The following LRRK1 variants were observed in gnomAD, a reference collection of about 807,000 sequenced individuals.
LRRK1 encodes leucine rich repeat kinase 1.
LRRK1 carries 113 observed loss-of-function variants against 209.1 expected under a neutral mutation model. The observed-to-expected ratio is 0.54, with a 90% CI of 0.46 to 0.63. The LOEUF (loss-of-function observed/expected upper bound fraction) is 0.63. LRRK1 is among the 30% of genes least tolerant of loss of function. The pLI is 0.00. For missense variants in LRRK1, 2,284 were observed against 2,632.2 expected (o/e 0.87, Z 2.89); for synonymous variants, 1,144 against 1,099.7 (o/e 1.04, Z -0.80).
At chr15:100,962,493 G>T (rs2030058582) in intron 2 of LRRK1, among the ~76,000 whole-genome samples, 1 of 151,966 alleles carries the variant, frequency 6.6e-6, no homozygotes, top group Non-Finnish European at 1.5e-5. Flanking sequence ...TCACAGCACT[G>T]CACTCCAGCC....
At chr15:101,051,091 T>C (rs964902986) in intron 23 of LRRK1, among the ~76,000 whole-genome samples, 1 of 152,130 alleles carries the variant, frequency 6.6e-6, no homozygotes, top group African/African-American at 2.4e-5. Context: ...GACCTGCAGA[T>C]ATCAGATGTG....
chr15:100,974,832 T>G (rs894634783), intron 3 of LRRK1, among the ~76,000 whole-genome samples: 2 of 152,246 alleles, frequency 1.3e-5, no homozygotes, highest in African/African-American at 4.8e-5. Flanking sequence ...CAGCAAAAGT[T>G]GGAGTGGACC....
At chr15:101,051,155 C>T (rs1246347423) in intron 23 of LRRK1, among the ~76,000 whole-genome samples, 1 of 152,226 alleles carries the variant, frequency 6.6e-6, no homozygotes, top group South Asian at 2.1e-4. Flanking sequence ...GGCAGTTGGC[C>T]GGCCCTGAGG....
chr15:100,981,977 G>A (rs1032317509), intron 3 of LRRK1, among the ~76,000 whole-genome samples: 4 of 152,226 alleles, frequency 2.6e-5, no homozygotes. Context: ...ATCTGTGGAG[G>A]CCAGAAATGG....
In LRRK1 at chr15:101,072,180, C is replaced by T. The variant is rs1415062987; in HGVS notation, c.*3332C>T. On this transcript the variant is annotated 3_prime_UTR_variant, in exon 34 of 34. Coordinates refer to ENST00000388948, the MANE Select transcript of LRRK1 (RefSeq NM_024652.6). ...CCCTTGGAGGGCATTCTGGACTTATCTACCAAAATTTCAAATGCACATACC... is the reference window on the plus strand; with the variant it reads ...CCCTTGGAGGGCATTCTGGACTTATTTACCAAAATTTCAAATGCACATACC... 1 of 152,248 alleles carries T rather than the reference C, an allele frequency of 6.6e-6. No individual in the cohort carries two copies. The highest frequency in any genetic ancestry group is 2.4e-5 in the African/African-American group (1 of 41,466). 9.4% of individuals were successfully genotyped at this position (152,248 alleles called of 1,614,324 possible).
At chr15:101,038,868 TC>T (rs2034611341) in intron 20 of LRRK1, among the ~76,000 whole-genome samples, 1 of 152,102 alleles carries the variant, frequency 6.6e-6, no homozygotes, top group Admixed American at 6.5e-5. Flanking sequence ...ATCTCTCTCT[TC>T]CCCCATCTTT....
intron 2 of LRRK1, among the ~76,000 whole-genome samples, chr15:100,970,772 A>G (rs1347684418): frequency 6.6e-6 from 1 of 152,240 alleles, no homozygotes; most frequent in Non-Finnish European, 1.5e-5. Context: ...AAAATCAAAG[A>G]GAATTAACAT....
intron 23 of LRRK1, among the ~76,000 whole-genome samples, chr15:101,051,063 C>T (rs764225464): frequency 7.2e-5 from 11 of 152,194 alleles, no homozygotes; most frequent in Non-Finnish European, 1.2e-4. Context: ...CCCCTCCCAA[C>T]GGGATGCCTT....
At chr15:101,032,197 G>A (rs2034313429) in intron 20 of LRRK1, among the ~76,000 whole-genome samples, 1 of 152,148 alleles carries the variant, frequency 6.6e-6, no homozygotes, top group African/African-American at 2.4e-5. Context: ...TCTGTGAAGT[G>A]TCTATTCAAG....
At chr15:100,956,609 C>T (rs923124782) in intron 2 of LRRK1, among the ~76,000 whole-genome samples, 53 of 151,602 alleles carry the variant, frequency 3.5e-4, no homozygotes, top group Admixed American at 6.6e-4. Flanking sequence ...GGATTACAGG[C>T]GCCCACAACC....
intron 2 of LRRK1, among the ~76,000 whole-genome samples, chr15:100,965,593 T>G (rs2030399378): frequency 6.6e-6 from 1 of 152,188 alleles, no homozygotes. Context: ...ATGTGCTGAC[T>G]CCATAACCCT....
At chr15:101,051,628 G>A (rs11639058) in intron 23 of LRRK1, 83 bp from the exon 24 acceptor site, 10 of 1,529,338 alleles carry the variant, frequency 6.5e-6, no homozygotes, top group Non-Finnish European at 8.8e-6. Flanking sequence ...GAAGGCCTCA[G>A]GGCCTGGGGT....
At chr15:100,922,902 C>A (rs910974578) in intron 1 of LRRK1, among the ~76,000 whole-genome samples, 1 of 152,194 alleles carries the variant, frequency 6.6e-6, no homozygotes, top group African/African-American at 2.4e-5. Flanking sequence ...CCTTTCCCTG[C>A]CTTGACGAGT....
Position 101,024,191 on chromosome 15 carries a change from G to A in LRRK1, c.2068-612G>A, listed in dbSNP as rs771060111. Among the ~76,000 whole-genome samples, 10 of 152,224 alleles carry A rather than the reference G, an allele frequency of 6.6e-5. No individual in the cohort carries two copies. Among genetic ancestry groups the A allele is most frequent in the Non-Finnish European group, 1.5e-4 (10 of 68,040 alleles). On this transcript the variant is annotated intron_variant, in intron 15 of 33. Coordinates refer to ENST00000388948, the MANE Select transcript of LRRK1 (RefSeq NM_024652.6). The surrounding 1 kb of genome is among the most constrained non-coding windows in gnomAD (Gnocchi z 4.6). ...ATACAAAACCAGGTCAGCACACTGT[G>A]TCTTGGAGGCTGATGCTGCCTCACA...
chr15:100,978,012 G>A (rs1032213902), intron 3 of LRRK1, among the ~76,000 whole-genome samples: 11 of 151,862 alleles, frequency 7.2e-5, no homozygotes, highest in Non-Finnish European at 1.2e-4. Context: ...AGAAAGTTTC[G>A]GCAAAGAAAT....
chr15:101,015,484 C>G (rs2033491945), intron 12 of LRRK1, 82 bp downstream of exon 12: 1 of 1,074,368 alleles, frequency 9.3e-7, no homozygotes, highest in Admixed American at 2.1e-5. Flanking sequence ...TGGGGATCGC[C>G]CTTATCTTGG....
At chr15:101,053,166 G>T (rs2035574717) in intron 25 of LRRK1, 57 bp from the exon 26 acceptor site, 8 of 1,591,436 alleles carry the variant, frequency 5.0e-6, no homozygotes, top group Non-Finnish European at 6.8e-6. Context: ...CCTTAGAGAG[G>T]CCTGAGGCTG....
chr15:100,974,042 T>C, intron 3 of LRRK1, 75 bp downstream of exon 3: 2 of 1,174,732 alleles, frequency 1.7e-6, no homozygotes, highest in Non-Finnish European at 2.1e-6. Context: ...GATGATTTTC[T>C]CGTTATTGTC....
chr15:101,075,907 G>A lies in LRRK1; in HGVS notation c.*7059G>A, dbSNP rs2036969025. ...ATTACCTGGGCTGTACTGCCCCAAAGCTTCACAGACAGCCCCCATTACATC... is the reference window on the plus strand; with the variant it reads ...ATTACCTGGGCTGTACTGCCCCAAAACTTCACAGACAGCCCCCATTACATC... On this transcript the variant is annotated 3_prime_UTR_variant, in exon 34 of 34. Coordinates refer to ENST00000388948, the MANE Select transcript of LRRK1 (RefSeq NM_024652.6). The A allele has an allele frequency of 6.6e-6, 1 of 152,220 alleles. No individual in the cohort carries two copies. Among genetic ancestry groups the A allele is most frequent in the African/African-American group, 2.4e-5 (1 of 41,424 alleles). The allele number at this position is 152,220 out of a possible 1,614,324, so 9.4% of individuals were successfully genotyped here. A position where few individuals can be genotyped will look rare whatever the true frequency, so the allele number is the denominator to read the frequency against.
Sources: gnomAD v4.1 joint callset for allele counts (sites outside exome capture counted in the v4.1 genomes callset) on GRCh38, gnomAD v4.1.1 for gene constraint, Gnocchi (gnomAD v3.1) non-coding constraint, MANE v1.5 for transcripts, NCBI Gene and HGNC (gene_info 2026-07-23, HGNC 2026-07-21) for gene names.